The following TAF2 variants were observed in gnomAD, a reference collection of about 807,000 sequenced individuals.
The protein encoded by TAF2 is TATA-box binding protein associated factor 2.
A neutral mutation model predicts 138.5 loss-of-function variants in TAF2; 61 were observed. The ratio of observed to expected loss-of-function variants is 0.44; its 90% CI spans 0.36 to 0.54. The LOEUF (loss-of-function observed/expected upper bound fraction) is 0.54, where lower values mean the gene tolerates loss of function less well. TAF2 is among the 20% of genes least tolerant of loss of function. The pLI is 0.00. For missense variants in TAF2, 1,090 were observed against 1,427.9 expected (o/e 0.76, Z 3.81); for synonymous variants, 475 against 469.9 (o/e 1.01, Z -0.14).
At chr8:119,829,555 G>A (rs555574321) in intron 2 of TAF2, among the ~76,000 whole-genome samples, 1 of 151,858 alleles carries the variant, frequency 6.6e-6, no homozygotes, top group African/African-American at 2.4e-5. Context: ...ATATATGTAT[G>A]TGTATATATA....
At chr8:119,799,820 C>T (rs7838465) in intron 6 of TAF2, among the ~76,000 whole-genome samples, 40,046 of 152,028 alleles carry the variant, frequency 0.26, 5,959 homozygotes, top group Middle Eastern at 0.4. Context: ...CCTGTTGTTT[C>T]CTGACTTTTT....
chr8:119,770,318 G>A (rs1286826337), intron 18 of TAF2, among the ~76,000 whole-genome samples: 1 of 151,932 alleles, frequency 6.6e-6, no homozygotes, highest in Non-Finnish European at 1.5e-5. Flanking sequence ...GACCACCCAA[G>A]GCCAACATAA....
chr8:119,770,814 C>T (rs1005443596), intron 18 of TAF2, among the ~76,000 whole-genome samples: 1 of 152,208 alleles, frequency 6.6e-6, no homozygotes, highest in Admixed American at 6.5e-5. Flanking sequence ...TGGCTCACGC[C>T]TGTAATCCTA....
chr8:119,740,551 G>A (rs1219862352), intron 25 of TAF2, among the ~76,000 whole-genome samples: 1 of 145,410 alleles, frequency 6.9e-6, no homozygotes, highest in East Asian at 2.0e-4. Flanking sequence ...TGTAATCCCA[G>A]CTACTTAGGA....
intron 24 of TAF2, 42 bp downstream of exon 24, chr8:119,744,246 A>G: frequency 6.6e-7 from 1 of 1,525,442 alleles, no homozygotes; most frequent in Admixed American, 1.7e-5. Flanking sequence ...GACATCAACC[A>G]ATGTCTCCAT....
chr8:119,814,007 C>T (rs1825277508), intron 3 of TAF2, among the ~76,000 whole-genome samples: 1 of 151,976 alleles, frequency 6.6e-6, no homozygotes, highest in Admixed American at 6.6e-5. Context: ...ACATATTGTT[C>T]CAGCTACTCG....
chr8:119,801,953 T>A lies in TAF2; in HGVS notation c.633A>T (p.Ala211=). The change falls in exon 6 of 26, where the codon GCA becomes GCT. Residue 211 remains alanine, a synonymous_variant. Transcript: ENST00000378164. Reference sequence around the variant, plus strand: ...AATCGCCATTAGAAACAGCAACCATTGCAGCATCTACTGTAAATTCTAATT... The same window carrying A: ...AATCGCCATTAGAAACAGCAACCATAGCAGCATCTACTGTAAATTCTAATT... ...TWKLEFTVDA[A]MVAVSNGDLV... The A allele has an allele frequency of 6.2e-7, 1 of 1,614,152 alleles. No individual in the cohort carries two copies. The highest frequency in any genetic ancestry group is 1.3e-5 in the African/African-American group (1 of 75,046).
chr8:119,793,512 C>T (rs1243004849), intron 9 of TAF2, 61 bp from the exon 10 acceptor site: 9 of 1,182,540 alleles, frequency 7.6e-6, no homozygotes, highest in African/African-American at 1.5e-5. Context: ...TTTTACATAC[C>T]AAATTTTAGA....
At chr8:119,767,653 C>T (rs1250546015) in intron 18 of TAF2, among the ~76,000 whole-genome samples, 1 of 152,220 alleles carries the variant, frequency 6.6e-6, no homozygotes, top group East Asian at 1.9e-4. Context: ...AAGGAGCAGG[C>T]AGACCCGGCA....
At chr8:119,757,232 G>A (rs955314032) in intron 21 of TAF2, among the ~76,000 whole-genome samples, 3 of 152,136 alleles carry the variant, frequency 2.0e-5, no homozygotes, top group African/African-American at 7.2e-5. Flanking sequence ...TGAAATTTAA[G>A]ACTGTGTAAA....
In TAF2 at chr8:119,746,865, C is replaced by G. The variant is rs778496041; in HGVS notation, c.2948G>C (p.Arg983Thr). 1.2e-6 allele frequency: 2 copies of G among 1,614,076 alleles called. No individual in the cohort carries two copies. Among genetic ancestry groups the G allele is most frequent in the Non-Finnish European group, 8.5e-7 (1 of 1,180,012 alleles). ...DLYFTLFGLSRPSCLPLPELG... is the reference protein window; with the variant it reads ...DLYFTLFGLSTPSCLPLPELG... Reference sequence around the variant, plus strand: ...CTCTGGCAAGGGTAAACAGGAAGGTCTACTGAGGCCAAAAAGTGTGAAGTA... The same window carrying G: ...CTCTGGCAAGGGTAAACAGGAAGGTGTACTGAGGCCAAAAAGTGTGAAGTA... Residue 983 changes from arginine to threonine, a missense_variant, in exon 23 of 26, where the codon AGA becomes ACA. Coordinates refer to ENST00000378164, the MANE Select transcript of TAF2 (RefSeq NM_003184.4).
chr8:119,762,843 G>A, intron 18 of TAF2: 1 of 365,570 alleles, frequency 2.7e-6, no homozygotes, highest in Non-Finnish European at 4.9e-6. Context: ...TAGAAAATAG[G>A]AGGAAAGCAT....
intron 3 of TAF2, among the ~76,000 whole-genome samples, chr8:119,816,078 TCTTA>T (rs1419821913): frequency 3.3e-4 from 47 of 144,534 alleles, no homozygotes; most frequent in African/African-American, 9.0e-4. Flanking sequence ...TGAGACGGAG[TCTTA>T]CTTTGTCGCC....
At position 119,828,590 on chromosome 8, in the gene TAF2, A is replaced by T. The variant is rs115947634; in HGVS notation, c.138+3087T>A. 7.5e-3 allele frequency among the ~76,000 whole-genome samples: 1,143 copies of T among 152,316 alleles called. 16 individuals are homozygous for T. The highest frequency in any genetic ancestry group is 0.026 in the African/African-American group (1,083 of 41,562). ...TCTAGGTCATCCCAATAGAAATGTC[A>T]GCAGAAGGAAAAGGAAACACCGAAG... On this transcript the variant is annotated intron_variant, in intron 2 of 25. Coordinates refer to ENST00000378164, the MANE Select transcript of TAF2 (RefSeq NM_003184.4).
rs184354227 is a variant in TAF2, at chr8:119,827,924, T to C, written c.138+3753A>G. ...ATGCTCAGCTAATTTTTTGTATTTT[T>C]AGTAGAGATAGGGTTTCACTGTGTT... On this transcript the variant is annotated intron_variant, in intron 2 of 25. Coordinates refer to ENST00000378164, the MANE Select transcript of TAF2 (RefSeq NM_003184.4). 5.9e-5 allele frequency among the ~76,000 whole-genome samples: 9 copies of C among 152,188 alleles called. No homozygotes were observed. The East Asian group carries it at 1.7e-3, about 29-fold the overall frequency.
At chr8:119,747,903 C>T (rs139669441) in intron 22 of TAF2, among the ~76,000 whole-genome samples, 5 of 152,256 alleles carry the variant, frequency 3.3e-5, no homozygotes, top group East Asian at 1.9e-4. Flanking sequence ...GTGGGCAGAT[C>T]GCTTGAGCTC....
intron 2 of TAF2, among the ~76,000 whole-genome samples, chr8:119,829,900 C>G (rs1826335827): frequency 6.7e-6 from 1 of 148,376 alleles, no homozygotes; most frequent in Non-Finnish European, 1.5e-5. Flanking sequence ...TGCTCCGTCG[C>G]CCAGGCTGGA....
At chr8:119,816,114 G>A (rs1420807847) in intron 3 of TAF2, among the ~76,000 whole-genome samples, 4 of 147,554 alleles carry the variant, frequency 2.7e-5, no homozygotes, top group Admixed American at 6.8e-5. Flanking sequence ...GCAGTGGCGC[G>A]ATCTCGGCTC....
chr8:119,776,347 CTT>C (rs35600902), intron 18 of TAF2, among the ~76,000 whole-genome samples: 109 of 134,486 alleles, frequency 8.1e-4, no homozygotes, highest in African/African-American at 8.8e-4. Context: ...CATGCCTGTG[CTT>C]TTTTTTTTTT....
Sources: gnomAD v4.1 joint callset for allele counts (sites outside exome capture counted in the v4.1 genomes callset) on GRCh38, gnomAD v4.1.1 for gene constraint, MANE v1.5 for transcripts, NCBI Gene and HGNC (gene_info 2026-07-23, HGNC 2026-07-21) for gene names.